The following TBL1Y variants were observed in gnomAD, a reference collection of about 807,000 sequenced individuals.
The protein encoded by TBL1Y is transducin beta like 1 Y-linked.
Under a neutral mutation model 12.0 loss-of-function variants are expected in TBL1Y, and 15 were observed. The ratio of observed to expected loss-of-function variants is 1.25; its 90% CI spans 0.83 to 1.92. TBL1Y has a LOEUF of 1.92. Among genes scored for constraint, TBL1Y ranks in the 40% most tolerant of loss-of-function variants. The pLI is 0.00. For synonymous variants in TBL1Y, 53 were observed against 42.6 expected (o/e 1.24, Z -0.95); for missense variants, 148 against 116.7 (o/e 1.27, Z -1.24).
chrY:7,072,358 GTTC>G (rs2013040410), intron 12 of TBL1Y, among the ~76,000 whole-genome samples: 1 of 33,715 alleles, frequency 3.0e-5, no homozygotes, highest in Non-Finnish European at 7.3e-5. Flanking sequence ...ATATTCTGCT[GTTC>G]TGCAGACCTC....
At chrY:7,036,599 C>T (rs2012694983) in intron 6 of TBL1Y, among the ~76,000 whole-genome samples, 1 of 33,599 alleles carries the variant, frequency 3.0e-5, no homozygotes, top group Admixed American at 2.7e-4. Flanking sequence ...ACATAGACAG[C>T]CTTGTGGATG....
At chrY:6,972,605 G>A in intron 2 of TBL1Y, among the ~76,000 whole-genome samples, 1 of 32,963 alleles carries the variant, frequency 3.0e-5, no homozygotes, top group Non-Finnish European at 7.5e-5. Flanking sequence ...TGGAAGAACT[G>A]GAGCAAGAGT....
At chrY:6,911,731 T>C (rs2011696425) in intron 1 of TBL1Y, among the ~76,000 whole-genome samples, 1 of 34,135 alleles carries the variant, frequency 2.9e-5, no homozygotes, top group South Asian at 6.5e-4. Flanking sequence ...CGGCCTTGCT[T>C]CCCAGTGGTA....
At chrY:6,914,899 G>C (rs2011724499) in intron 2 of TBL1Y, among the ~76,000 whole-genome samples, 1 of 33,486 alleles carries the variant, frequency 3.0e-5, no homozygotes, top group Non-Finnish European at 7.3e-5. Context: ...ACCTGAAGTT[G>C]ACAACCTCTA....
At chrY:6,991,125 A>C in intron 3 of TBL1Y, among the ~76,000 whole-genome samples, 1 of 33,786 alleles carries the variant, frequency 3.0e-5, no homozygotes. Flanking sequence ...AAAGCTACAG[A>C]CACTGACAGA....
intron 3 of TBL1Y, among the ~76,000 whole-genome samples, chrY:6,991,136 G>C: frequency 3.0e-5 from 1 of 33,687 alleles, no homozygotes; most frequent in Non-Finnish European, 7.3e-5. Flanking sequence ...CACTGACAGA[G>C]TGCTTTTGAA....
chrY:7,090,170 G>C lies in TBL1Y; in HGVS notation c.1528G>C (p.Ala510Pro). The change falls in exon 18 of 19, where the codon GCC becomes CCC. Residue 510 changes from alanine to proline, a missense_variant. Physicochemically the swap from Ala to Pro is conservative, Grantham distance 27. Coordinates refer to ENST00000383032, the MANE Select transcript of TBL1Y (RefSeq NM_033284.2). ...GAACGCCCGAGGAGATAAAGTGGGC[G>C]CCAGCGCGTCTGATGGCTCTGTAAG... ...CWNARGDKVG[A>P]SASDGSVCVL... 5.0e-6 allele frequency: 2 copies of C among 397,563 alleles called. No individual in the cohort carries two copies. The highest frequency in any genetic ancestry group is 7.1e-6 in the Non-Finnish European group (2 of 282,669).
At chrY:7,053,883 T>G in intron 7 of TBL1Y, among the ~76,000 whole-genome samples, 1 of 33,823 alleles carries the variant, frequency 3.0e-5, no homozygotes, top group Non-Finnish European at 7.4e-5. Flanking sequence ...CCCTGGTCTC[T>G]TAAGCAAACC....
intron 2 of TBL1Y, among the ~76,000 whole-genome samples, chrY:6,952,700 T>C (rs2124110745): frequency 3.0e-5 from 1 of 33,483 alleles, no homozygotes; most frequent in Admixed American, 2.7e-4. Context: ...TTGTTGTATG[T>C]GAATTTGATC....
intron 2 of TBL1Y, among the ~76,000 whole-genome samples, chrY:6,966,335 A>C (rs780615737): frequency 6.0e-5 from 2 of 33,265 alleles, no homozygotes; most frequent in East Asian, 1.6e-3. Flanking sequence ...GATTACAAGC[A>C]TGAGCCACGG....
At chrY:7,062,931 C>T in intron 7 of TBL1Y, among the ~76,000 whole-genome samples, 1 of 34,169 alleles carries the variant, frequency 2.9e-5, no homozygotes, top group Non-Finnish European at 7.3e-5. Flanking sequence ...ACTTTACCAG[C>T]TCCCCTGGCT....
chrY:7,063,761 C>A (rs2012922355), intron 7 of TBL1Y, 136 bp from the exon 8 acceptor site: 3 of 198,520 alleles, frequency 1.5e-5, no homozygotes, highest in Admixed American at 1.9e-4. Context: ...TGCTACTTCC[C>A]CCGTGGCCCC....
At chrY:7,081,599 G>A (rs2013099724) in intron 14 of TBL1Y, among the ~76,000 whole-genome samples, 1 of 33,649 alleles carries the variant, frequency 3.0e-5, no homozygotes, top group Non-Finnish European at 7.3e-5. Flanking sequence ...ATATTTAATT[G>A]TCTTAAAGTT....
intron 8 of TBL1Y, among the ~76,000 whole-genome samples, chrY:7,064,374 T>C: frequency 3.0e-5 from 1 of 33,287 alleles, no homozygotes; most frequent in East Asian, 7.8e-4. Context: ...TTTCAGGAAA[T>C]TGTGTGCACT....
chrY:7,055,596 A>G (rs2012821105), intron 7 of TBL1Y, among the ~76,000 whole-genome samples: 1 of 33,667 alleles, frequency 3.0e-5, no homozygotes, highest in South Asian at 6.8e-4. Context: ...AACTTGGTTG[A>G]TAGAAGAAGA....
At chrY:6,993,304 G>C in intron 3 of TBL1Y, among the ~76,000 whole-genome samples, 1 of 25,771 alleles carries the variant, frequency 3.9e-5, no homozygotes, top group Non-Finnish European at 8.6e-5. Context: ...GTTGCCACCA[G>C]TTGTCTGGTT....
intron 2 of TBL1Y, among the ~76,000 whole-genome samples, chrY:6,958,119 T>C (rs1035835253): frequency 3.0e-5 from 1 of 33,716 alleles, no homozygotes; most frequent in Non-Finnish European, 7.3e-5. Context: ...CTTCACAGGG[T>C]GGCTAGAAAA....
At chrY:6,912,420 A>G in intron 2 of TBL1Y, among the ~76,000 whole-genome samples, 1 of 33,245 alleles carries the variant, frequency 3.0e-5, no homozygotes, top group Admixed American at 2.8e-4. Flanking sequence ...CTAGTAGAAC[A>G]CACACCTGTA....
intron 6 of TBL1Y, among the ~76,000 whole-genome samples, chrY:7,026,506 C>A (rs2012624545): frequency 3.0e-5 from 1 of 33,582 alleles, no homozygotes; most frequent in African/African-American, 1.2e-4. Flanking sequence ...TAGCATTTAG[C>A]AACACCTTTG....
Sources: gnomAD v4.1 joint callset for allele counts (sites outside exome capture counted in the v4.1 genomes callset) on GRCh38, gnomAD v4.1.1 for gene constraint, MANE v1.5 for transcripts, NCBI Gene and HGNC (gene_info 2026-07-23, HGNC 2026-07-21) for gene names.